Variants in KDM1B observed in about 807,000 individuals in gnomAD.
KDM1B encodes the protein lysine demethylase 1B.
KDM1B carries 63 observed loss-of-function variants against 107.4 expected under a neutral mutation model. That is an observed-to-expected ratio of 0.59 (90% CI 0.48 to 0.72). KDM1B has a LOEUF of 0.72. KDM1B is among the 30% of genes least tolerant of loss of function. KDM1B has a pLI of 0.00. For missense variants in KDM1B, 749 were observed against 1,020.8 expected, an observed-to-expected ratio of 0.73 and a Z score of 3.63; for synonymous variants, 363 against 363.9, an observed-to-expected ratio of 1.00 and a Z score of 0.03.
chr6:18,220,776 C>T (rs1271705676), intron 21 of KDM1B, among the ~76,000 whole-genome samples: 5 of 142,496 alleles, frequency 3.5e-5, no homozygotes, highest in African/African-American at 1.0e-4. Context: ...TCACCTTTTC[C>T]TTTTTTTTTT....
intron 20 of KDM1B, among the ~76,000 whole-genome samples, chr6:18,217,160 G>GT (rs1253061657): frequency 6.6e-6 from 1 of 152,184 alleles, no homozygotes; most frequent in Non-Finnish European, 1.5e-5. Flanking sequence ...TAGAGGGAGA[G>GT]TGTGTCCCGG....
chr6:18,201,918 G>A lies in KDM1B; in HGVS notation c.1531+261G>A, dbSNP rs536847082. ...GCTGGTGTTTTACAAAATTACCTAC[G>A]TGTTTAATTTTAAATTTCCCAGAGT... On this transcript the variant is annotated intron_variant, in intron 14 of 21. Transcript: ENST00000650836. The surrounding 1 kb of genome is among the most constrained non-coding windows in gnomAD (Gnocchi z 4.3). Among the ~76,000 whole-genome samples, 25 of 152,222 alleles carry A rather than the reference G, an allele frequency of 1.6e-4. No homozygotes were observed. Among genetic ancestry groups the A allele is most frequent in the African/African-American group, 5.1e-4 (21 of 41,534 alleles).
chr6:18,166,172 C>T lies in KDM1B; in HGVS notation c.306-95C>T, dbSNP rs149574736. 6.2e-3 allele frequency: 3,936 copies of T among 633,046 alleles called. 24 individuals carry two copies. Among genetic ancestry groups the T allele is most frequent in the Non-Finnish European group, 8.5e-3 (2,940 of 346,790 alleles). The allele number at this position is 633,046 out of a possible 1,614,324, so 39.2% of individuals were successfully genotyped here. On this transcript the variant is annotated intron_variant, in intron 5 of 21. Coordinates refer to ENST00000650836, the MANE Select transcript of KDM1B (RefSeq NM_001364614.2). ...ATAACAAGGCTAGTTATGTTTGTTA[C>T]GTAAGATTTACTAACCTGCCTCCTG...
chr6:18,190,890 ACT>A (rs1476913042), intron 9 of KDM1B, among the ~76,000 whole-genome samples: 1 of 147,254 alleles, frequency 6.8e-6, no homozygotes, highest in African/African-American at 2.7e-5. Context: ...ACAGAGCAAG[ACT>A]CTGTCTCAAA....
chr6:18,185,859 A>G lies in KDM1B; in HGVS notation c.573+49A>G, dbSNP rs776719890. On this transcript the variant is annotated intron_variant, in intron 8 of 21. Coordinates refer to ENST00000650836, the MANE Select transcript of KDM1B (RefSeq NM_001364614.2). The stretch of plus-strand genomic sequence containing the variant: ...ATTGGGGTTAATTGTGCCTTTGATG[A>G]TAAGTGTTACAAGGAAATGATAGTA... 3 of 1,552,192 alleles carry G rather than the reference A, an allele frequency of 1.9e-6. No individual in the cohort carries two copies. The Admixed American group carries it at 5.0e-5, about 26-fold the overall frequency.
chr6:18,196,775 C>T (rs576553674), intron 10 of KDM1B, among the ~76,000 whole-genome samples: 20 of 152,022 alleles, frequency 1.3e-4, no homozygotes, highest in Non-Finnish European at 2.5e-4. Context: ...CTAGAGGTAG[C>T]GTAAAGCATG....
At chr6:18,190,899 C>CAA (rs568735839) in intron 9 of KDM1B, among the ~76,000 whole-genome samples, 18 of 125,434 alleles carry the variant, frequency 1.4e-4, no homozygotes, top group African/African-American at 2.7e-4. Flanking sequence ...GACTCTGTCT[C>CAA]AAAAAAAAAA....
chr6:18,171,183 T>C (rs530831173), intron 6 of KDM1B, among the ~76,000 whole-genome samples, 180 bp from the exon 7 acceptor site: 3 of 152,284 alleles, frequency 2.0e-5, no homozygotes, highest in African/African-American at 7.2e-5. Context: ...TGAGGAAGTA[T>C]TAAATCAGAA....
chr6:18,165,322 G>A (rs970066526), intron 5 of KDM1B, among the ~76,000 whole-genome samples: 2 of 151,268 alleles, frequency 1.3e-5, no homozygotes, highest in Non-Finnish European at 2.9e-5. Flanking sequence ...AGTAGAGACG[G>A]GGTTTCACTG....
At chr6:18,180,116 CT>C (rs1351147299) in intron 7 of KDM1B, among the ~76,000 whole-genome samples, 1 of 150,182 alleles carries the variant, frequency 6.7e-6, no homozygotes, top group Non-Finnish European at 1.5e-5. Flanking sequence ...TGGAACTCAA[CT>C]TTAAGAGTTG....
chr6:18,165,721 T>C (rs1016287351), intron 5 of KDM1B, among the ~76,000 whole-genome samples: 2 of 152,032 alleles, frequency 1.3e-5, no homozygotes, highest in African/African-American at 4.8e-5. Context: ...TATTTGGAGG[T>C]TGAGGCATAA....
intron 21 of KDM1B, among the ~76,000 whole-genome samples, 186 bp downstream of exon 21, chr6:18,218,071 C>T (rs1314121149): frequency 3.9e-5 from 6 of 152,172 alleles, no homozygotes; most frequent in Non-Finnish European, 8.8e-5. Flanking sequence ...TCCAGCTATT[C>T]CTTCTGGACT....
chr6:18,158,079 C>T (rs997789337), intron 2 of KDM1B, among the ~76,000 whole-genome samples: 2 of 151,982 alleles, frequency 1.3e-5, no homozygotes, highest in East Asian at 1.9e-4. Flanking sequence ...TCCCAAAGTG[C>T]TGGGATTACA....
At position 18,211,297 on chromosome 6, in the gene KDM1B, C is replaced by G. The variant is rs776337081; in HGVS notation, c.1867-1191C>G. On this transcript the variant is annotated intron_variant, in intron 17 of 21. Coordinates refer to ENST00000650836, the MANE Select transcript of KDM1B (RefSeq NM_001364614.2). This position sits in a 1 kb window ranked among gnomAD's most constrained non-coding sequence, Gnocchi z 5.2. ...GGTAGATTGGGTGCTTGGTCTTCAA[C>G]TCCATTCCACTCTGATCCTAGGGTG... is the stretch of plus-strand genomic sequence containing the variant. Among the ~76,000 whole-genome samples the G allele has an allele frequency of 1.3e-5, 2 of 152,160 alleles. No homozygotes were observed. The highest frequency in any genetic ancestry group is 4.8e-5 in the African/African-American group (2 of 41,422).
At chr6:18,161,288 T>G in intron 3 of KDM1B, 39 bp from the exon 4 acceptor site, 1 of 1,606,526 alleles carries the variant, frequency 6.2e-7, no homozygotes, top group Non-Finnish European at 8.5e-7. Flanking sequence ...CATTTTGCCA[T>G]CATCAGTGAA....
chr6:18,207,238 G>C (rs961810616), intron 15 of KDM1B, among the ~76,000 whole-genome samples, 160 bp from the exon 16 acceptor site: 2 of 152,022 alleles, frequency 1.3e-5, no homozygotes, highest in African/African-American at 2.4e-5. Context: ...TAAAATTATC[G>C]AGATTTCCTC....
At chr6:18,158,754 G>A (rs1295538840) in intron 2 of KDM1B, among the ~76,000 whole-genome samples, 7 of 152,056 alleles carry the variant, frequency 4.6e-5, no homozygotes, top group African/African-American at 1.2e-4. Flanking sequence ...AATTCTGTTA[G>A]CTCTTAATCT....
In KDM1B at chr6:18,200,297, T is replaced by G; in HGVS notation, c.1222-142T>G. ...TTTGGCTTCTCTTCACACTGCCTGC[T>G]TTTTAAAGTTGTTTTTTTAGAAATA... On this transcript the variant is annotated intron_variant, in intron 12 of 21. Transcript: ENST00000650836. This position sits in a 1 kb window ranked among gnomAD's most constrained non-coding sequence, Gnocchi z 4.3. 1.1e-6 allele frequency: 1 copy of G among 874,292 alleles called. No individual in the cohort carries two copies. Among genetic ancestry groups the G allele is most frequent in the Non-Finnish European group, 1.7e-6 (1 of 580,644 alleles). 54.2% of individuals were successfully genotyped at this position (874,292 alleles called of 1,614,324 possible). A position where few individuals can be genotyped will look rare whatever the true frequency, so the allele number is the denominator to read the frequency against.
chr6:18,214,072 ATCAGAG>A lies in KDM1B; in HGVS notation c.2109+295_2109+300del, dbSNP rs1490762180. On this transcript the variant is annotated intron_variant, in intron 19 of 21. Transcript: ENST00000650836. The surrounding 1 kb of genome is among the most constrained non-coding windows in gnomAD (Gnocchi z 4.4). ...ATTCCTCTTAGGTGAAGTTGGAGAC[ATCAGAG>A]TCAATGAGTGGTGCTTGAAACTTCC... 2.0e-5 allele frequency among the ~76,000 whole-genome samples: 3 copies of A among 152,292 alleles called. No individual in the cohort carries two copies. In the East Asian group the frequency reaches 5.8e-4, roughly 29 times the overall value.
Sources: allele counts gnomAD v4.1 joint callset (sites outside exome capture counted in the v4.1 genomes callset), GRCh38; gene constraint gnomAD v4.1.1; non-coding constraint Gnocchi (gnomAD v3.1); transcripts MANE v1.5; gene names NCBI Gene and HGNC (gene_info 2026-07-23, HGNC 2026-07-21).